Variants in GLRA3 observed in about 807,000 individuals in gnomAD.
The protein encoded by GLRA3 is glycine receptor alpha 3, also known as glycine receptor subunit alpha-3.
GLRA3 carries 44 observed loss-of-function variants against 60.4 expected under a neutral mutation model. That is an observed-to-expected ratio of 0.73 (90% CI 0.57 to 0.94). GLRA3 has a LOEUF of 0.94. Ranked by LOEUF, GLRA3 falls within the 40% of genes least tolerant of loss-of-function variation. The probability of loss-of-function intolerance (pLI) is 0.00; values close to 1 mark genes in which losing one functional copy is unlikely to be tolerated. For synonymous variants in GLRA3, 223 were observed against 192.9 expected (o/e 1.16, Z -1.29); for missense variants, 508 against 564.6 (o/e 0.90, Z 1.02).
At chr4:174,786,796 AT>A (rs1382287118) in intron 2 of GLRA3, among the ~76,000 whole-genome samples, 9 of 152,092 alleles carry the variant, frequency 5.9e-5, no homozygotes, top group South Asian at 4.2e-4. Context: ...TGCAGCCTGA[AT>A]TTTTTTTCTA....
At chr4:174,729,371 C>A (rs1299699189) in intron 3 of GLRA3, among the ~76,000 whole-genome samples, 1 of 152,060 alleles carries the variant, frequency 6.6e-6, no homozygotes, top group Non-Finnish European at 1.5e-5. Context: ...AGCCCATTTT[C>A]TCATGTTTAA....
chr4:174,661,737 C>T (rs1472455862), intron 7 of GLRA3, among the ~76,000 whole-genome samples: 2 of 152,186 alleles, frequency 1.3e-5, no homozygotes, highest in African/African-American at 4.8e-5. Flanking sequence ...CAGCCAGCCT[C>T]CTTGATTCTG....
intron 1 of GLRA3, among the ~76,000 whole-genome samples, chr4:174,809,871 A>G (rs1032710356): frequency 7.2e-5 from 11 of 152,310 alleles, no homozygotes; most frequent in African/African-American, 2.2e-4. Context: ...ATCCATATGC[A>G]AATTTTACTT....
intron 3 of GLRA3, among the ~76,000 whole-genome samples, chr4:174,731,029 A>G (rs1736527414): frequency 1.3e-5 from 2 of 152,210 alleles, no homozygotes. Context: ...TAGTGAGATG[A>G]TGAATATGTT....
chr4:174,709,131 C>T (rs1311146511), intron 5 of GLRA3, among the ~76,000 whole-genome samples: 3 of 151,968 alleles, frequency 2.0e-5, no homozygotes, highest in Non-Finnish European at 4.4e-5. Context: ...GTTGCTAGCG[C>T]TTCAAACAGC....
chr4:174,788,705 T>C, intron 2 of GLRA3, 111 bp downstream of exon 2: 1 of 651,314 alleles, frequency 1.5e-6, no homozygotes, highest in Non-Finnish European at 2.4e-6. Context: ...ATGCAATATT[T>C]GGAAGATTGT....
chr4:174,790,865 G>GTAGT (rs1250311929), intron 1 of GLRA3, among the ~76,000 whole-genome samples: 1 of 148,464 alleles, frequency 6.7e-6, no homozygotes, highest in Non-Finnish European at 1.5e-5. Context: ...TTAGCCGGGC[G>GTAGT]TAGTGGCGGG....
chr4:174,682,774 AGT>A, intron 6 of GLRA3, 26 bp downstream of exon 6: 1 of 1,506,108 alleles, frequency 6.6e-7, no homozygotes, highest in Non-Finnish European at 9.1e-7. Flanking sequence ...ACAAGTAGTA[AGT>A]GTAAAGAACA....
intron 5 of GLRA3, among the ~76,000 whole-genome samples, chr4:174,687,979 C>A (rs1002213953): frequency 1.3e-5 from 2 of 151,740 alleles, no homozygotes; most frequent in African/African-American, 4.8e-5. Flanking sequence ...AAGTTTTTTG[C>A]CTTCAGAAGA....
At chr4:174,673,884 A>G (rs1426940921) in intron 7 of GLRA3, among the ~76,000 whole-genome samples, 2 of 152,128 alleles carry the variant, frequency 1.3e-5, no homozygotes, top group Non-Finnish European at 2.9e-5. Flanking sequence ...CTACTTGCCT[A>G]GTTACTTACT....
intron 3 of GLRA3, among the ~76,000 whole-genome samples, chr4:174,744,219 G>A (rs76014598): frequency 0.16 from 24,037 of 152,222 alleles, 2,464 homozygotes; most frequent in African/African-American, 0.3. Flanking sequence ...GGGTTGTAGT[G>A]CCACTGCCAC....
rs550365795 is a variant in GLRA3, at chr4:174,743,367, C to T, written c.268-14669G>A. On this transcript the variant is annotated intron_variant, in intron 3 of 9. Transcript: ENST00000274093. ...CATTTAGCTTTTAACTTAGTCTCTT[C>T]TAATCTGTGACAGCCCCATAGTCTT... is the stretch of plus-strand genomic sequence containing the variant. Among the ~76,000 whole-genome samples, 22 of 152,172 alleles carry T rather than the reference C, an allele frequency of 1.4e-4. No individual in the cohort carries two copies. In the South Asian group the frequency reaches 4.6e-3, roughly 32 times the overall value.
At chr4:174,658,966 G>T (rs1561037117) in intron 8 of GLRA3, 88 bp downstream of exon 8, 8 of 1,099,916 alleles carry the variant, frequency 7.3e-6, no homozygotes, top group Admixed American at 4.4e-5. Flanking sequence ...AGTCCCAATT[G>T]CTTCTCTTTT....
At chr4:174,737,392 CATT>C (rs1431492917) in intron 3 of GLRA3, among the ~76,000 whole-genome samples, 5 of 152,264 alleles carry the variant, frequency 3.3e-5, no homozygotes, top group African/African-American at 9.6e-5. Flanking sequence ...AAGGAATAGA[CATT>C]ATTGGCAAAA....
intron 5 of GLRA3, among the ~76,000 whole-genome samples, chr4:174,706,413 G>C (rs1271161860): frequency 2.6e-5 from 4 of 152,048 alleles, no homozygotes; most frequent in African/African-American, 9.7e-5. Flanking sequence ...GAAATAAATA[G>C]ATAAGCATTT....
At chr4:174,828,293 GCAA>G (rs1741058460) in intron 1 of GLRA3, among the ~76,000 whole-genome samples, 1 of 152,012 alleles carries the variant, frequency 6.6e-6, no homozygotes, top group African/African-American at 2.4e-5. Flanking sequence ...TCTGAATATA[GCAA>G]CAACATTTGG....
intron 5 of GLRA3, among the ~76,000 whole-genome samples, chr4:174,700,848 C>T (rs563125737): frequency 9.9e-5 from 15 of 152,238 alleles, no homozygotes; most frequent in Admixed American, 2.6e-4. Context: ...CTAACTCATC[C>T]ATATTATGAA....
At chr4:174,714,296 A>G (rs570608809) in intron 5 of GLRA3, among the ~76,000 whole-genome samples, 2 of 152,292 alleles carry the variant, frequency 1.3e-5, no homozygotes, top group East Asian at 1.9e-4. Context: ...ACCAAGATAT[A>G]CAATCAGCCT....
intron 3 of GLRA3, among the ~76,000 whole-genome samples, chr4:174,746,788 A>G (rs1259463281): frequency 6.6e-6 from 1 of 152,338 alleles, no homozygotes; most frequent in East Asian, 1.9e-4. Flanking sequence ...TGACTTGAAC[A>G]CTACACATTC....
Sources: allele counts gnomAD v4.1 joint callset (sites outside exome capture counted in the v4.1 genomes callset), GRCh38; gene constraint gnomAD v4.1.1; transcripts MANE v1.5; gene names NCBI Gene and HGNC (gene_info 2026-07-23, HGNC 2026-07-21).